The following TOR1AIP2 variants were observed in gnomAD, a reference collection of about 807,000 sequenced individuals.
TOR1AIP2 encodes torsin 1A interacting protein 2, also known as torsin-1A-interacting protein 2.
TOR1AIP2 carries 20 observed loss-of-function variants against 32.6 expected under a neutral mutation model. That is an observed-to-expected ratio of 0.61 (90% confidence interval 0.43 to 0.89). TOR1AIP2 has a LOEUF of 0.89. TOR1AIP2 is among the 40% of genes least tolerant of loss of function. The probability of loss-of-function intolerance (pLI) is 0.00; values close to 1 mark genes in which losing one functional copy is unlikely to be tolerated. For missense variants in TOR1AIP2, 456 were observed against 553.8 expected (o/e 0.82, Z 1.77); for synonymous variants, 214 against 210.8 (o/e 1.02, Z -0.13).
intron 2 of TOR1AIP2, among the ~76,000 whole-genome samples, chr1:179,876,706 T>C (rs1294018237): frequency 6.6e-6 from 1 of 152,016 alleles, no homozygotes; most frequent in Non-Finnish European, 1.5e-5. Flanking sequence ...GGATCTCTCA[T>C]ACAGATCCAA....
At chr1:179,870,788 C>T (rs779500821) in intron 2 of TOR1AIP2, among the ~76,000 whole-genome samples, 4 of 152,236 alleles carry the variant, frequency 2.6e-5, no homozygotes, top group African/African-American at 4.8e-5. Context: ...CTAAAACTGG[C>T]TTCCTTTCTC....
intron 3 of TOR1AIP2, among the ~76,000 whole-genome samples, chr1:179,853,326 T>C (rs1696183620): frequency 6.6e-6 from 1 of 152,204 alleles, no homozygotes; most frequent in African/African-American, 2.4e-5. Context: ...TTTGAAGTGG[T>C]TTTCTCGAAG....
rs183026871 is a variant in TOR1AIP2 at position 179,861,866 on chromosome 1, G to A, written c.-147+3570C>T. ...AGGTACTATTTATATCTTTTATGTT[G>A]TTTTTTTTTCTTGAAAGAGACAGTG... On this transcript the variant is annotated intron_variant, in intron 3 of 6. Transcript: ENST00000609928. 4.5e-4 allele frequency: 413 copies of A among 919,524 alleles called. 1 individual carries two copies. In the African/African-American group the frequency reaches 6.6e-3, roughly 15 times the overall value. 57.0% of individuals were successfully genotyped at this position (919,524 alleles called of 1,614,324 possible).
intron 3 of TOR1AIP2, chr1:179,861,801 C>CA: frequency 1.0e-6 from 1 of 984,726 alleles, no homozygotes; most frequent in Non-Finnish European, 1.2e-6. Context: ...CAGCATTTCT[C>CA]AAAGTATGGT....
At chr1:179,848,901 C>T (rs534936619) in intron 5 of TOR1AIP2, among the ~76,000 whole-genome samples, 12 of 152,058 alleles carry the variant, frequency 7.9e-5, no homozygotes, top group Admixed American at 2.6e-4. Flanking sequence ...GAGGCCGAGG[C>T]GGGCGGATCA....
At chr1:179,861,865 TG>T (rs1469270804) in intron 3 of TOR1AIP2, 1 of 944,820 alleles carries the variant, frequency 1.1e-6, no homozygotes, top group African/African-American at 1.8e-5. Context: ...TCTTTTATGT[TG>T]TTTTTTTTTC....
chr1:179,860,858 T>G, intron 3 of TOR1AIP2: 1 of 985,444 alleles, frequency 1.0e-6, no homozygotes, highest in Non-Finnish European at 1.2e-6. Flanking sequence ...GGGCTGCGGC[T>G]CATCTCACTT....
chr1:179,864,229 G>T, intron 3 of TOR1AIP2: 2 of 985,420 alleles, frequency 2.0e-6, no homozygotes, highest in Non-Finnish European at 2.4e-6. Flanking sequence ...GCCAAACAGG[G>T]CCAATGATGA....
At chr1:179,851,905 G>A (rs1696128672) in intron 4 of TOR1AIP2, among the ~76,000 whole-genome samples, 1 of 152,212 alleles carries the variant, frequency 6.6e-6, no homozygotes, top group South Asian at 2.1e-4. Flanking sequence ...TAGGGATACA[G>A]GAATACATTA....
intron 3 of TOR1AIP2, chr1:179,861,267 ATTTTAATAAAATTCAT>A: frequency 1.0e-6 from 1 of 984,928 alleles, no homozygotes; most frequent in Non-Finnish European, 1.2e-6. Context: ...CAGCATTTAT[ATTTTAATAAAATTCAT>A]TATTCATATC....
chr1:179,854,980 C>T (rs973236069), intron 3 of TOR1AIP2, among the ~76,000 whole-genome samples: 57 of 151,994 alleles, frequency 3.8e-4, no homozygotes, highest in African/African-American at 1.4e-3. Context: ...TGCATACATA[C>T]ATAAGGAAAT....
At chr1:179,873,220 T>C (rs1230034590) in intron 2 of TOR1AIP2, among the ~76,000 whole-genome samples, 1 of 152,176 alleles carries the variant, frequency 6.6e-6, no homozygotes, top group Non-Finnish European at 1.5e-5. Flanking sequence ...AGACACGTGG[T>C]CTTGCTATGT....
intron 4 of TOR1AIP2, among the ~76,000 whole-genome samples, chr1:179,851,859 T>C (rs1558012639): frequency 6.6e-6 from 1 of 152,214 alleles, no homozygotes. Context: ...AACTTAAATC[T>C]GGTAAGTTTC....
At position 179,840,523 on chromosome 1, in the gene TOR1AIP2, G is replaced by A. The variant is rs1471989214; in HGVS notation, c.*5548C>T. 2.6e-5 allele frequency: 4 copies of A among 152,190 alleles called. No individual in the cohort carries two copies. The highest frequency in any genetic ancestry group is 5.9e-5 in the Non-Finnish European group (4 of 68,040). 9.4% of individuals were successfully genotyped at this position (152,190 alleles called of 1,614,324 possible). The stretch of plus-strand genomic sequence containing the variant: ...ATCACAGCAAGCGGGCACAGATAAT[G>A]CAGATAATACTGGAAGGAAAGGTAC... On this transcript the variant is annotated 3_prime_UTR_variant, in exon 7 of 7. Transcript: ENST00000609928.
At position 179,843,456 on chromosome 1, in the gene TOR1AIP2, A is replaced by G. The variant is rs1695789124; in HGVS notation, c.*2615T>C. 1 of 146,988 alleles carries G rather than the reference A, an allele frequency of 6.8e-6. No individual in the cohort carries two copies. The highest frequency in any genetic ancestry group is 2.5e-5 in the African/African-American group (1 of 39,456). 9.1% of individuals were successfully genotyped at this position (146,988 alleles called of 1,614,324 possible). ...AGGAGGTGTAGGTTACAGTGAGATGAGATTGTGCCACTGCACTGCATTCCA... is the reference window on the plus strand; with the variant it reads ...AGGAGGTGTAGGTTACAGTGAGATGGGATTGTGCCACTGCACTGCATTCCA... On this transcript the variant is annotated 3_prime_UTR_variant, in exon 7 of 7. Transcript: ENST00000609928.
intron 5 of TOR1AIP2, among the ~76,000 whole-genome samples, chr1:179,848,341 C>A (rs942752654): frequency 6.6e-6 from 1 of 152,204 alleles, no homozygotes. Flanking sequence ...TCGAGTTTCA[C>A]ATGGTTCCTC....
intron 3 of TOR1AIP2, chr1:179,862,925 CAAAA>C (rs550277192): frequency 1.0e-4 from 9 of 89,016 alleles, no homozygotes; most frequent in South Asian, 3.9e-4. Context: ...GAGACTCCGT[CAAAA>C]AAAAAAAAAA....
At chr1:179,854,688 T>A (rs1445031945) in intron 3 of TOR1AIP2, among the ~76,000 whole-genome samples, 1 of 152,098 alleles carries the variant, frequency 6.6e-6, no homozygotes, top group Non-Finnish European at 1.5e-5. Flanking sequence ...CTGACCAACA[T>A]GCTGAAACCC....
intron 2 of TOR1AIP2, among the ~76,000 whole-genome samples, chr1:179,871,923 GA>G (rs1361809706): frequency 6.6e-6 from 1 of 151,992 alleles, no homozygotes; most frequent in Non-Finnish European, 1.5e-5. Flanking sequence ...ATTTTTTGTT[GA>G]AAATAAAATG....
Sources: gnomAD v4.1 joint callset for allele counts (sites outside exome capture counted in the v4.1 genomes callset) on GRCh38, gnomAD v4.1.1 for gene constraint, MANE v1.5 for transcripts, NCBI Gene and HGNC (gene_info 2026-07-23, HGNC 2026-07-21) for gene names.